The following CFAP47 variants were observed in gnomAD, a reference collection of about 807,000 sequenced individuals.
CFAP47 encodes cilia and flagella associated protein 47.
A neutral mutation model predicts 148.1 loss-of-function variants in CFAP47; 29 were observed. That is an observed-to-expected ratio of 0.20 (90% CI 0.15 to 0.27). The LOEUF (loss-of-function observed/expected upper bound fraction) is 0.27, where lower values mean the gene tolerates loss of function less well. CFAP47 is among the 10% of genes least tolerant of loss of function. The pLI is 1.00. For synonymous variants in CFAP47, 664 were observed against 577.3 expected (o/e 1.15, Z -2.15); for missense variants, 1,872 against 1,697.5 (o/e 1.10, Z -1.81).
At chrX:36,328,533 G>C (rs1402857258) in intron 57 of CFAP47, among the ~76,000 whole-genome samples, 1 of 111,657 alleles carries the variant, frequency 9.0e-6, no homozygotes, top group Non-Finnish European at 1.9e-5. Flanking sequence ...AATTGGGGCC[G>C]GGCGCGGTGG....
At chrX:36,024,465 C>T (rs1464468658) in intron 22 of CFAP47, among the ~76,000 whole-genome samples, 1 of 111,637 alleles carries the variant, frequency 9.0e-6, no homozygotes, top group Non-Finnish European at 1.9e-5. Flanking sequence ...TATTAGGTCA[C>T]GTGCCTCCCC....
At chrX:36,073,028 G>A in intron 28 of CFAP47, 111 bp from the exon 29 acceptor site, 1 of 494,268 alleles carries the variant, frequency 2.0e-6, no homozygotes, top group Non-Finnish European at 3.4e-6. Flanking sequence ...TGAGAGCATA[G>A]AATAATTTGT....
intron 29 of CFAP47, among the ~76,000 whole-genome samples, chrX:36,076,227 G>A (rs1435492495): frequency 5.9e-5 from 6 of 101,029 alleles, no homozygotes; most frequent in African/African-American, 1.8e-4. Flanking sequence ...TGTGCATAAC[G>A]TGCAGGTTTG....
chrX:35,945,589 T>TA (rs753744146), intron 3 of CFAP47, among the ~76,000 whole-genome samples: 4 of 111,508 alleles, frequency 3.6e-5, no homozygotes, highest in Non-Finnish European at 7.5e-5. Context: ...TCAACACCTC[T>TA]CTCTTTTTCA....
intron 44 of CFAP47, among the ~76,000 whole-genome samples, chrX:36,202,937 C>G (rs1051882889): frequency 1.8e-5 from 2 of 110,128 alleles, no homozygotes; most frequent in Admixed American, 1.9e-4. Flanking sequence ...TAGCAACTTA[C>G]ACACATTTTT....
At position 36,353,592 on chromosome X, in the gene CFAP47, G is replaced by A. The variant is rs781868486; in HGVS notation, c.8762G>A (p.Gly2921Asp). ...AAGGTAGAAATCATACTGAATGCTG[G>A]TTTTTTCGGATTTAGTCTTACTCCA... ...EEKVEIILNA[G>D]FFGFSLTPDL... Residue 2921 changes from glycine (G) to aspartate (D), a missense_variant, in exon 60 of 64, where the codon GGT becomes GAT. Gly to Asp is a moderately conservative substitution (Grantham distance 94). Transcript: ENST00000378653. The A allele has an allele frequency of 1.7e-6, 2 of 1,160,799 alleles. No homozygotes were observed. The highest frequency in any genetic ancestry group is 2.3e-6 in the Non-Finnish European group (2 of 868,491).
chrX:36,175,811 G>T (rs1426611616), intron 39 of CFAP47, among the ~76,000 whole-genome samples: 3 of 113,407 alleles, frequency 2.6e-5, no homozygotes, highest in African/African-American at 9.6e-5. Context: ...GCCTCCTTGA[G>T]CTGTGGTGGG....
Position 36,154,223 on chromosome X carries a change from A to G in CFAP47, c.5786+5000A>G, listed in dbSNP as rs755869845. Among the ~76,000 whole-genome samples the G allele has an allele frequency of 2.7e-5, 3 of 112,181 alleles. No individual in the cohort carries two copies. In the South Asian group the frequency reaches 1.1e-3, roughly 42 times the overall value. ...CATTTCTTTCTTCTTCCATTTTACTATATGCATTCAATAGAAGCCAATCCA... is the reference window on the plus strand; with the variant it reads ...CATTTCTTTCTTCTTCCATTTTACTGTATGCATTCAATAGAAGCCAATCCA... On this transcript the variant is annotated intron_variant, in intron 37 of 63. Transcript: ENST00000378653.
In CFAP47 at chrX:36,372,201, TA is replaced by T. The variant is rs781786297; in HGVS notation, c.9185+5082del. Among the ~76,000 whole-genome samples, 173 of 104,801 alleles carry T rather than the reference TA, an allele frequency of 1.7e-3. 1 individual carries two copies. The highest frequency in any genetic ancestry group is 3.7e-3 in the South Asian group (8 of 2,155). 91.0% of individuals were successfully genotyped at this position (104,801 alleles called of 115,157 possible). A position where few individuals can be genotyped will look rare whatever the true frequency, so the allele number is the denominator to read the frequency against. ...ACAATAACAATAAAGCTACTTTCTT[TA>T]AAAAAAATGATGGCATATAAAGAAA... On this transcript the variant is annotated intron_variant, in intron 62 of 63. Coordinates refer to ENST00000378653, the MANE Select transcript of CFAP47 (RefSeq NM_001304548.2).
intron 45 of CFAP47, among the ~76,000 whole-genome samples, chrX:36,208,612 C>T (rs1304626847): frequency 8.9e-6 from 1 of 111,857 alleles, no homozygotes; most frequent in Admixed American, 9.5e-5. Flanking sequence ...AGCTAAATTA[C>T]TCTTCAGCCT....
chrX:36,069,471 G>C (rs1440702160), intron 27 of CFAP47, among the ~76,000 whole-genome samples: 4 of 111,241 alleles, frequency 3.6e-5, no homozygotes, highest in Non-Finnish European at 5.7e-5. Context: ...TAAGCATAAA[G>C]TCTATGTGTG....
chrX:36,173,196 C>G (rs1342874864), intron 39 of CFAP47, among the ~76,000 whole-genome samples: 3 of 110,747 alleles, frequency 2.7e-5, no homozygotes, highest in Non-Finnish European at 5.7e-5. Context: ...CTGTTTTTTT[C>G]TTTATTAGTC....
chrX:36,152,960 A>T (rs1466921951), intron 37 of CFAP47, among the ~76,000 whole-genome samples: 1 of 111,129 alleles, frequency 9.0e-6, no homozygotes, highest in Non-Finnish European at 1.9e-5. Flanking sequence ...GAATATATTC[A>T]TTCCATCCCA....
chrX:36,194,198 A>G (rs782678671), intron 42 of CFAP47, among the ~76,000 whole-genome samples: 2 of 111,809 alleles, frequency 1.8e-5, no homozygotes, highest in Non-Finnish European at 3.8e-5. Context: ...CCAACAGTAT[A>G]CAGCCAATTT....
At chrX:36,023,459 C>G (rs750983525) in intron 22 of CFAP47, among the ~76,000 whole-genome samples, 1 of 111,408 alleles carries the variant, frequency 9.0e-6, no homozygotes, top group Non-Finnish European at 1.9e-5. Flanking sequence ...CACTCCCTGG[C>G]TACCACCTAT....
At chrX:36,067,486 C>T (rs1459917010) in intron 27 of CFAP47, among the ~76,000 whole-genome samples, 1 of 110,961 alleles carries the variant, frequency 9.0e-6, no homozygotes, top group Non-Finnish European at 1.9e-5. Context: ...GTCCCTTTTG[C>T]TGCCTAAATA....
chrX:36,198,490 A>G (rs1290204152), intron 42 of CFAP47, among the ~76,000 whole-genome samples: 1 of 111,992 alleles, frequency 8.9e-6, no homozygotes, highest in African/African-American at 3.2e-5. Flanking sequence ...AAAGATGCCA[A>G]ACTCTTTAGT....
chrX:35,980,976 A>T lies in CFAP47; in HGVS notation c.2713+5063A>T, dbSNP rs149555979. Reference sequence around the variant, plus strand: ...GATTTTACATATATTTATATATATAAAATTGCTCTCTTTGTCTTTCCAGCT... The same window carrying T: ...GATTTTACATATATTTATATATATATAATTGCTCTCTTTGTCTTTCCAGCT... On this transcript the variant is annotated intron_variant, in intron 15 of 63. Transcript: ENST00000378653. Among the ~76,000 whole-genome samples the T allele has an allele frequency of 3.1e-3, 346 of 110,741 alleles. 1 individual carries two copies. The highest frequency in any genetic ancestry group is 5.2e-3 in the Non-Finnish European group (275 of 52,908).
At chrX:36,193,822 T>A (rs2146877656) in intron 42 of CFAP47, among the ~76,000 whole-genome samples, 1 of 111,740 alleles carries the variant, frequency 8.9e-6, no homozygotes, top group South Asian at 3.8e-4. Flanking sequence ...TTTTTCAAGA[T>A]AAACATGAAG....
Sources: gnomAD v4.1 joint callset for allele counts (sites outside exome capture counted in the v4.1 genomes callset) on GRCh38, gnomAD v4.1.1 for gene constraint, MANE v1.5 for transcripts, NCBI Gene and HGNC (gene_info 2026-07-23, HGNC 2026-07-21) for gene names.